Variants in LRRC39 observed in about 807,000 individuals in gnomAD.
LRRC39 encodes leucine rich repeat containing 39.
LRRC39 carries 35 observed loss-of-function variants against 39.7 expected under a neutral mutation model. The ratio of observed to expected loss-of-function variants is 0.88; its 90% confidence interval spans 0.67 to 1.17. The LOEUF (loss-of-function observed/expected upper bound fraction) is 1.17, where lower values mean the gene tolerates loss of function less well. Among genes scored for constraint, LRRC39 ranks in the 50% most tolerant of loss-of-function variants. The probability of loss-of-function intolerance (pLI) is 0.00; values close to 1 mark genes in which losing one functional copy is unlikely to be tolerated. For missense variants in LRRC39, 357 were observed against 385.8 expected (o/e 0.93, Z 0.62); for synonymous variants, 113 against 134.1 (o/e 0.84, Z 1.09).
At chr1:100,166,370 A>G (rs1452955851) in intron 3 of LRRC39, among the ~76,000 whole-genome samples, 1 of 152,204 alleles carries the variant, frequency 6.6e-6, no homozygotes, top group Non-Finnish European at 1.5e-5. Flanking sequence ...AAAATGTGGG[A>G]AAGTTTGGAA....
In LRRC39 at chr1:100,148,920, G is replaced by A. The variant is rs886577804; in HGVS notation, c.*122C>T. The A allele has an allele frequency of 1.9e-5, 22 of 1,139,412 alleles. No individual in the cohort carries two copies. The highest frequency in any genetic ancestry group is 3.3e-5 in the African/African-American group (2 of 61,526). The allele number at this position is 1,139,412 out of a possible 1,614,324, so 70.6% of individuals were successfully genotyped here. ...ATATACTTTAAATAGCAAATAATAT[G>A]AACTTTAAAAAATGCTGTGGCCTCA... On this transcript the variant is annotated 3_prime_UTR_variant, in exon 10 of 10. Coordinates refer to ENST00000370137, the MANE Select transcript of LRRC39 (RefSeq NM_144620.4).
At chr1:100,166,442 T>C (rs113281429) in intron 3 of LRRC39, among the ~76,000 whole-genome samples, 2 of 152,236 alleles carry the variant, frequency 1.3e-5, no homozygotes, top group African/African-American at 4.8e-5. Context: ...GACAATGAAA[T>C]CCAGGCTGAG....
intron 9 of LRRC39, among the ~76,000 whole-genome samples, chr1:100,151,427 C>T (rs568949810): frequency 5.3e-5 from 8 of 152,240 alleles, no homozygotes; most frequent in Admixed American, 3.3e-4. Flanking sequence ...GCTTCTATGA[C>T]CTTGCTGCAA....
rs770829691 is a variant in LRRC39, at chr1:100,159,364, G to T, written c.271C>A (p.His91Asn). 6.2e-7 allele frequency: 1 copy of T among 1,611,924 alleles called. No individual in the cohort carries two copies. The highest frequency in any genetic ancestry group is 8.5e-7 in the Non-Finnish European group (1 of 1,178,926). ...GGAATTTTCAGCAAACCAGTTCTAT[G>T]AAGTTGCCATTCCTGTAGTTGATTC... ...KLNQLQEWQL[H>N]RTGLLKIPEF... The change falls in exon 5 of 10, where the codon CAT (histidine) becomes AAT (asparagine). Residue 91 changes from histidine (H) to asparagine (N), a missense_variant. Physicochemically the swap from His to Asn is moderately conservative, Grantham distance 68. Transcript: ENST00000370137.
intron 3 of LRRC39, among the ~76,000 whole-genome samples, chr1:100,164,174 A>T (rs769720500): frequency 2.0e-5 from 3 of 152,186 alleles, no homozygotes; most frequent in Non-Finnish European, 4.4e-5. Context: ...TGATTTTTTC[A>T]AGGAGCTTGG....
At chr1:100,167,544 G>T (rs1198123038) in intron 3 of LRRC39, among the ~76,000 whole-genome samples, 1 of 152,132 alleles carries the variant, frequency 6.6e-6, no homozygotes, top group Non-Finnish European at 1.5e-5. Flanking sequence ...GGAGGCCAAG[G>T]TGGGTGGATC....
rs1456377567 is a variant in LRRC39, at chr1:100,152,406, G to T, written c.931C>A (p.Gln311Lys). The stretch of plus-strand genomic sequence containing the variant: ...ATACCTGCTCTTCTCCGTGACTCTT[G>T]TATGTATGTGTGCATAAACTGAAGG... ...FGLQFMHTYI[Q>K]ESRRRADHQV... The change falls in exon 9 of 10, where the codon CAA becomes AAA. Residue 311 changes from glutamine (Q) to lysine (K), a missense_variant. By Grantham distance (53) the Gln-to-Lys change is moderately conservative. Coordinates refer to ENST00000370137, the MANE Select transcript of LRRC39 (RefSeq NM_144620.4). 6.2e-7 allele frequency: 1 copy of T among 1,613,958 alleles called. No homozygotes were observed. Among genetic ancestry groups the T allele is most frequent in the Non-Finnish European group, 8.5e-7 (1 of 1,179,952 alleles).
rs1658678894 is a variant in LRRC39 at position 100,158,993 on chromosome 1, G to T, written c.376+266C>A. ...CCTTCAACCTGTTGTTTCCTAAGAG[G>T]AATAGCTGAGCCGACAATATTGTTC... On this transcript the variant is annotated intron_variant, in intron 5 of 9. Coordinates refer to ENST00000370137, the MANE Select transcript of LRRC39 (RefSeq NM_144620.4). Among the ~76,000 whole-genome samples the T allele has an allele frequency of 1.3e-5, 2 of 151,882 alleles. 1 individual carries two copies. Among genetic ancestry groups the T allele is most frequent in the South Asian group, 4.2e-4 (2 of 4,814 alleles).
chr1:100,158,206 T>C (rs962262814), intron 6 of LRRC39, 25 bp downstream of exon 6: 1 of 1,609,902 alleles, frequency 6.2e-7, no homozygotes, highest in African/African-American at 1.3e-5. Flanking sequence ...GAAAATACAA[T>C]CATAGGCATT....
At chr1:100,159,164 A>C (rs1310102500) in intron 5 of LRRC39, 95 bp downstream of exon 5, 1 of 1,077,056 alleles carries the variant, frequency 9.3e-7, no homozygotes, top group Non-Finnish European at 1.3e-6. Flanking sequence ...GGGCTGTATA[A>C]AGAGGTCTTT....
chr1:100,166,261 T>TG (rs1659239683), intron 3 of LRRC39, among the ~76,000 whole-genome samples: 1 of 151,810 alleles, frequency 6.6e-6, no homozygotes, highest in African/African-American at 2.4e-5. Flanking sequence ...ACCGATAGAG[T>TG]GGGGCACTGC....
chr1:100,155,001 T>C (rs1658351158), intron 8 of LRRC39, 50 bp downstream of exon 8: 7 of 1,501,174 alleles, frequency 4.7e-6, no homozygotes, highest in Non-Finnish European at 6.2e-6. Flanking sequence ...CTTTTTTCTG[T>C]AGCCAGAAAG....
chr1:100,157,816 A>G (rs771266883), intron 6 of LRRC39, among the ~76,000 whole-genome samples: 6 of 152,248 alleles, frequency 3.9e-5, no homozygotes, highest in Non-Finnish European at 8.8e-5. Flanking sequence ...TGGTTTGACC[A>G]ATAACAAGAC....
At chr1:100,156,655 G>C (rs1426156125) in intron 6 of LRRC39, among the ~76,000 whole-genome samples, 1 of 152,086 alleles carries the variant, frequency 6.6e-6, no homozygotes, top group Non-Finnish European at 1.5e-5. Flanking sequence ...GTTGAGAATT[G>C]TATGGGAAAA....
chr1:100,160,358 A>T, intron 4 of LRRC39, 108 bp downstream of exon 4: 1 of 667,534 alleles, frequency 1.5e-6, no homozygotes. Context: ...GTATTATTAA[A>T]ATTAGTTTCT....
In LRRC39 at chr1:100,155,055, G is replaced by T. The variant is rs772059605; in HGVS notation, c.808C>A (p.Leu270Met). The change falls in exon 8 of 10, where the codon CTG becomes ATG. Residue 270 changes from leucine (L) to methionine (M), a missense_variant. Physicochemically the swap from Leu to Met is conservative, Grantham distance 15 (BLOSUM62 2). Transcript: ENST00000370137. Reference sequence around the variant, plus strand: ...TTTGTGCCTACAACTTTTTACCTCAGATTTGCCATTTCTTCCATGCATACT... The same window carrying T: ...TTTGTGCCTACAACTTTTTACCTCATATTTGCCATTTCTTCCATGCATACT... ...IPVCMEEMANLRFVNFRDNPL... is the reference protein window; with the variant it reads ...IPVCMEEMANMRFVNFRDNPL... 1.3e-6 allele frequency: 2 copies of T among 1,567,336 alleles called. No homozygotes were observed. Among genetic ancestry groups the T allele is most frequent in the Middle Eastern group, 3.4e-4 (2 of 5,872 alleles).
chr1:100,153,467 A>G (rs1270106024), intron 8 of LRRC39, among the ~76,000 whole-genome samples: 2 of 152,220 alleles, frequency 1.3e-5, no homozygotes, highest in African/African-American at 4.8e-5. Context: ...TTTAATTAGA[A>G]AAACTTCTGC....
intron 1 of LRRC39, among the ~76,000 whole-genome samples, chr1:100,173,828 C>A (rs1335440195): frequency 6.6e-6 from 1 of 151,956 alleles, no homozygotes; most frequent in African/African-American, 2.4e-5. Flanking sequence ...ATATTAAGTT[C>A]TGAAAAATAT....
chr1:100,155,019 G>C, intron 8 of LRRC39, 32 bp downstream of exon 8: 1 of 1,520,496 alleles, frequency 6.6e-7, no homozygotes, highest in East Asian at 2.4e-5. Flanking sequence ...AAGAAAGCAA[G>C]GTTTTTCAGT....
Sources: gnomAD v4.1 joint callset for allele counts (sites outside exome capture counted in the v4.1 genomes callset) on GRCh38, gnomAD v4.1.1 for gene constraint, MANE v1.5 for transcripts, NCBI Gene and HGNC (gene_info 2026-07-23, HGNC 2026-07-21) for gene names.